KCNQ1: variants seen among roughly 807,000 people sequenced by gnomAD.
KCNQ1 encodes the protein potassium voltage-gated channel subfamily Q member 1, also known as potassium voltage-gated channel subfamily KQT member 1.
KCNQ1 carries 49 observed loss-of-function variants against 72.4 expected under a neutral mutation model. That is an observed-to-expected ratio of 0.68 (90% CI 0.54 to 0.86). KCNQ1 has a LOEUF of 0.86. Among genes scored for constraint, KCNQ1 ranks in the 40% least tolerant of loss-of-function variants. The probability of loss-of-function intolerance (pLI) is 0.00; values close to 1 mark genes in which losing one functional copy is unlikely to be tolerated. For missense variants in KCNQ1, 790 were observed against 945.1 expected (o/e 0.84, Z 2.15); for synonymous variants, 450 against 412.6 (o/e 1.09, Z -1.10).
chr11:2,657,536 C>T lies in KCNQ1; in HGVS notation c.1394-4425C>T. On this transcript the variant is annotated intron_variant, in intron 10 of 15. Transcript: ENST00000155840. This position sits in a 1 kb window ranked among gnomAD's most constrained non-coding sequence, Gnocchi z 4.8. Reference sequence around the variant, plus strand: ...AAACAAAAATAGTACCGAGTACCCACATCCCTTTCACCAGCTTCCCCTAAT... The same window carrying T: ...AAACAAAAATAGTACCGAGTACCCATATCCCTTTCACCAGCTTCCCCTAAT... 5.0e-6 allele frequency: 2 copies of T among 398,612 alleles called. No individual in the cohort carries two copies. The highest frequency in any genetic ancestry group is 8.8e-6 in the Non-Finnish European group (2 of 226,054). The allele number at this position is 398,612 out of a possible 1,614,324, so 24.7% of individuals were successfully genotyped here. A position where few individuals can be genotyped will look rare whatever the true frequency, so the allele number is the denominator to read the frequency against.
intron 15 of KCNQ1, among the ~76,000 whole-genome samples, chr11:2,796,430 G>A (rs116777634): frequency 0.025 from 3,872 of 152,290 alleles, 161 homozygotes; most frequent in African/African-American, 0.086. Flanking sequence ...TTCCTCTCCC[G>A]GATCTTCCCA....
chr11:2,703,916 G>T lies in KCNQ1; in HGVS notation c.1514+41835G>T, dbSNP rs890700027. On this transcript the variant is annotated intron_variant, in intron 11 of 15. Transcript: ENST00000155840. This position sits in a 1 kb window ranked among gnomAD's most constrained non-coding sequence, Gnocchi z 6.4. ...GGCCCAGGGCCACGTGGCAGCCTCC[G>T]CAGTCCATCTGAAGAAAGGCCCCAC... 6.6e-6 allele frequency among the ~76,000 whole-genome samples: 1 copy of T among 152,170 alleles called. No homozygotes were observed. The highest frequency in any genetic ancestry group is 1.5e-5 in the Non-Finnish European group (1 of 68,016).
chr11:2,668,592 T>G lies in KCNQ1; in HGVS notation c.1514+6511T>G. ...GTTATCATTTAGTCAGATACATCAT[T>G]CTGTATAAATTGCCTACATCTTCTG... On this transcript the variant is annotated intron_variant, in intron 11 of 15. Transcript: ENST00000155840. The surrounding 1 kb of genome is among the most constrained non-coding windows in gnomAD (Gnocchi z 4.3). 5.0e-6 allele frequency: 2 copies of G among 398,654 alleles called. No homozygotes were observed. Among genetic ancestry groups the G allele is most frequent in the Non-Finnish European group, 8.8e-6 (2 of 226,070 alleles). 24.7% of individuals were successfully genotyped at this position (398,654 alleles called of 1,614,324 possible).
intron 11 of KCNQ1, among the ~76,000 whole-genome samples, chr11:2,726,916 AG>A (rs896206072): frequency 6.6e-6 from 1 of 152,134 alleles, no homozygotes; most frequent in African/African-American, 2.4e-5. Flanking sequence ...GCAGTGAGAA[AG>A]GGAACACATT....
chr11:2,527,435 C>A (rs1847528327), intron 1 of KCNQ1, among the ~76,000 whole-genome samples: 2 of 152,226 alleles, frequency 1.3e-5, no homozygotes, highest in Admixed American at 6.5e-5. Flanking sequence ...GACGTAATTA[C>A]ACACTGCAGT....
chr11:2,732,156 T>C (rs1845868968), intron 11 of KCNQ1, among the ~76,000 whole-genome samples: 1 of 152,250 alleles, frequency 6.6e-6, no homozygotes, highest in Non-Finnish European at 1.5e-5. Flanking sequence ...GAAGCGGGGC[T>C]GCGGCCAGGC....
rs1187110444 is a variant in KCNQ1 at position 2,488,481 on chromosome 11, C to T, written c.387-39447C>T. On this transcript the variant is annotated intron_variant, in intron 1 of 15. Transcript: ENST00000155840. This position sits in a 1 kb window ranked among gnomAD's most constrained non-coding sequence, Gnocchi z 5.1. ...GATTCATTGGGGAAGCCATCAGGTC[C>T]AGGCTTTTCTTTGTTGAGAGTTTTT... 6.6e-6 allele frequency among the ~76,000 whole-genome samples: 1 copy of T among 152,124 alleles called. No homozygotes were observed. Among genetic ancestry groups the T allele is most frequent in the Non-Finnish European group, 1.5e-5 (1 of 68,014 alleles).
chr11:2,801,499 T>C (rs144614344), intron 15 of KCNQ1, among the ~76,000 whole-genome samples: 82 of 152,354 alleles, frequency 5.4e-4, no homozygotes, highest in African/African-American at 1.9e-3. Context: ...TCCTGGCTCA[T>C]AGGCTGGGCC....
intron 2 of KCNQ1, among the ~76,000 whole-genome samples, chr11:2,531,186 A>G (rs1847620904): frequency 7.0e-6 from 1 of 142,014 alleles, no homozygotes; most frequent in Admixed American, 7.1e-5. Flanking sequence ...CCTGGGCTCC[A>G]CATGCCCGTC....
In KCNQ1 at chr11:2,623,410, T is replaced by C; in HGVS notation, c.1393+34556T>C. On this transcript the variant is annotated intron_variant, in intron 10 of 15. Coordinates refer to ENST00000155840, the MANE Select transcript of KCNQ1 (RefSeq NM_000218.3). The surrounding 1 kb of genome is among the most constrained non-coding windows in gnomAD (Gnocchi z 5.2). Reference sequence around the variant, plus strand: ...TTTTCACTGCCCTAAAAGTACTCTGTGCACTGCCTATTCAACCCTTCTTCC... The same window carrying C: ...TTTTCACTGCCCTAAAAGTACTCTGCGCACTGCCTATTCAACCCTTCTTCC... The C allele has an allele frequency of 2.5e-6, 1 of 398,636 alleles. No homozygotes were observed. The highest frequency in any genetic ancestry group is 4.4e-6 in the Non-Finnish European group (1 of 226,072). The allele number at this position is 398,636 out of a possible 1,614,324, so 24.7% of individuals were successfully genotyped here. A position where few individuals can be genotyped will look rare whatever the true frequency, so the allele number is the denominator to read the frequency against.
Position 2,738,054 on chromosome 11 carries a change from G to T in KCNQ1, c.1515-30790G>T, listed in dbSNP as rs545689598. On this transcript the variant is annotated intron_variant, in intron 11 of 15. Transcript: ENST00000155840. The stretch of plus-strand genomic sequence containing the variant: ...CCCTCCTCCACTGCTGGGAGGGGCC[G>T]AGCCTGGCCTGGACTGCTGGCCCCA... 6.2e-4 allele frequency among the ~76,000 whole-genome samples: 95 copies of T among 152,334 alleles called. 1 individual carries two copies. Among genetic ancestry groups the T allele is most frequent in the Non-Finnish European group, 1.2e-3 (79 of 68,020 alleles).
Position 2,618,256 on chromosome 11 carries a change from A to G in KCNQ1, c.1393+29402A>G, listed in dbSNP as rs1849102029. On this transcript the variant is annotated intron_variant, in intron 10 of 15. Coordinates refer to ENST00000155840, the MANE Select transcript of KCNQ1 (RefSeq NM_000218.3). The stretch of plus-strand genomic sequence containing the variant: ...TTCCCGGGGCCACACTGTAAGAACA[A>G]TTGTCTTAGGCCACACATAAAATAC... The G allele has an allele frequency of 7.0e-5, 28 of 398,448 alleles. 1 individual carries two copies. In the East Asian group the frequency reaches 1.0e-3, roughly 14 times the overall value. The allele number at this position is 398,448 out of a possible 1,614,324, so 24.7% of individuals were successfully genotyped here. A position where few individuals can be genotyped will look rare whatever the true frequency, so the allele number is the denominator to read the frequency against.
intron 2 of KCNQ1, among the ~76,000 whole-genome samples, chr11:2,552,709 G>A (rs1398416924): frequency 6.7e-6 from 1 of 149,950 alleles, no homozygotes; most frequent in Non-Finnish European, 1.5e-5. Context: ...TCTCCCCAGT[G>A]CCTCATGCAC....
chr11:2,457,231 C>T lies in KCNQ1; in HGVS notation c.386+11747C>T, dbSNP rs118157892. Reference sequence around the variant, plus strand: ...AAATGAGTCCAGCCACCATGGAAGGCAGTTTGGAGATTTCCCAAAGAACCA... The same window carrying T: ...AAATGAGTCCAGCCACCATGGAAGGTAGTTTGGAGATTTCCCAAAGAACCA... On this transcript the variant is annotated intron_variant, in intron 1 of 15. Coordinates refer to ENST00000155840, the MANE Select transcript of KCNQ1 (RefSeq NM_000218.3). The surrounding 1 kb of genome is among the most constrained non-coding windows in gnomAD (Gnocchi z 5.0). Among the ~76,000 whole-genome samples, 14 of 152,250 alleles carry T rather than the reference C, an allele frequency of 9.2e-5. No individual in the cohort carries two copies. The East Asian group carries it at 2.5e-3, about 27-fold the overall frequency.
chr11:2,754,785 G>A (rs561637345), intron 11 of KCNQ1, among the ~76,000 whole-genome samples: 4 of 152,226 alleles, frequency 2.6e-5, no homozygotes, highest in South Asian at 2.1e-4. Context: ...TTTATAACTC[G>A]GCATAGGGAA....
Position 2,803,881 on chromosome 11 carries a change from C to T in KCNQ1, c.1794+25844C>T, listed in dbSNP as rs1260414412. Among the ~76,000 whole-genome samples, 1 of 152,202 alleles carries T rather than the reference C, an allele frequency of 6.6e-6. No individual in the cohort carries two copies. The highest frequency in any genetic ancestry group is 1.5e-5 in the Non-Finnish European group (1 of 68,030). On this transcript the variant is annotated intron_variant, in intron 15 of 15. Transcript: ENST00000155840. This position sits in a 1 kb window ranked among gnomAD's most constrained non-coding sequence, Gnocchi z 6.4. Reference sequence around the variant, plus strand: ...ACACTCAGGTACTCAGGACACCCCACACCAGCCATTGGATGGGGCCGCCTC... The same window carrying T: ...ACACTCAGGTACTCAGGACACCCCATACCAGCCATTGGATGGGGCCGCCTC...
intron 7 of KCNQ1, among the ~76,000 whole-genome samples, chr11:2,584,192 C>T (rs1026831142): frequency 7.9e-5 from 12 of 152,100 alleles, no homozygotes; most frequent in African/African-American, 2.7e-4. Context: ...CACATGTATG[C>T]ATTATACATG....
At chr11:2,580,791 G>T (rs1310919387) in intron 6 of KCNQ1, among the ~76,000 whole-genome samples, 1 of 152,242 alleles carries the variant, frequency 6.6e-6, no homozygotes, top group Admixed American at 6.5e-5. Flanking sequence ...TCTTCAGCCT[G>T]ACCTTGTCCT....
chr11:2,714,538 A>G (rs1281014585), intron 11 of KCNQ1, among the ~76,000 whole-genome samples: 1 of 151,944 alleles, frequency 6.6e-6, no homozygotes, highest in African/African-American at 2.4e-5. Flanking sequence ...GGTGCTCTAG[A>G]TAGATGGAGG....
Sources: allele counts gnomAD v4.1 joint callset (sites outside exome capture counted in the v4.1 genomes callset), GRCh38; gene constraint gnomAD v4.1.1; non-coding constraint Gnocchi (gnomAD v3.1); transcripts MANE v1.5; gene names NCBI Gene and HGNC (gene_info 2026-07-23, HGNC 2026-07-21).